The following FNDC7 variants were observed in gnomAD, a reference collection of about 807,000 sequenced individuals.
FNDC7 encodes the protein fibronectin type III domain-containing protein 7.
FNDC7 carries 66 observed loss-of-function variants against 74.2 expected under a neutral mutation model. That is an observed-to-expected ratio of 0.89 (90% CI 0.73 to 1.09). FNDC7 has a LOEUF of 1.09. FNDC7 is among the 50% of genes least tolerant of loss of function. The probability of loss-of-function intolerance (pLI) is 0.00; values close to 1 mark genes in which losing one functional copy is unlikely to be tolerated. For synonymous variants in FNDC7, 307 were observed against 330.2 expected, an observed-to-expected ratio of 0.93 and a Z score of 0.76; for missense variants, 829 against 893.4, an observed-to-expected ratio of 0.93 and a Z score of 0.92.
intron 10 of FNDC7, among the ~76,000 whole-genome samples, chr1:108,736,585 T>C (rs1661520225): frequency 6.6e-6 from 1 of 152,230 alleles, no homozygotes; most frequent in African/African-American, 2.4e-5. Flanking sequence ...TCCTGCTCCA[T>C]GCCCACAATT....
chr1:108,738,828 C>G (rs1255194264), intron 11 of FNDC7, among the ~76,000 whole-genome samples: 1 of 152,148 alleles, frequency 6.6e-6, no homozygotes, highest in Non-Finnish European at 1.5e-5. Flanking sequence ...ATTAATTTTT[C>G]AAGAGTTTTT....
intron 3 of FNDC7, among the ~76,000 whole-genome samples, chr1:108,718,497 AT>A (rs1362155947): frequency 6.6e-6 from 1 of 152,164 alleles, no homozygotes; most frequent in Non-Finnish European, 1.5e-5. Flanking sequence ...GTAACCCCTA[AT>A]TTTCCCATTG....
In FNDC7 at chr1:108,728,000, C is replaced by T. The variant is rs1661257587; in HGVS notation, c.1304C>T (p.Thr435Ile). Residue 435 changes from threonine to isoleucine, a missense_variant, in exon 7 of 13, where the codon ACA (threonine) becomes ATA (isoleucine). Thr to Ile is a moderately conservative substitution (Grantham distance 89). Coordinates refer to ENST00000370017, the MANE Select transcript of FNDC7 (RefSeq NM_001144937.3). ...ALECDTKYNI[T>I]VYSFNEVRGS... ...GAGTGTGACACCAAGTACAACATCA[C>T]AGTGTATTCATTCAATGAAGTCCGA... is the stretch of plus-strand genomic sequence containing the variant. 2 of 1,614,062 alleles carry T rather than the reference C, an allele frequency of 1.2e-6. No individual in the cohort carries two copies. The highest frequency in any genetic ancestry group is 1.7e-5 in the Admixed American group (1 of 60,002).
chr1:108,713,912 G>A (rs1660923726), intron 2 of FNDC7, among the ~76,000 whole-genome samples: 1 of 152,148 alleles, frequency 6.6e-6, no homozygotes, highest in African/African-American at 2.4e-5. Flanking sequence ...GGGAATTAGA[G>A]GGAAAATGAG....
chr1:108,716,320 G>GGTGTGT (rs141850435), intron 2 of FNDC7, among the ~76,000 whole-genome samples: 7,263 of 95,178 alleles, frequency 0.076, 319 homozygotes, highest in Non-Finnish European at 0.084. Flanking sequence ...GCAGAAGAGA[G>GGTGTGT]GTGTGTGTGT....
At chr1:108,717,614 G>A (rs1417994972) in intron 2 of FNDC7, among the ~76,000 whole-genome samples, 163 bp from the exon 3 acceptor site, 1 of 152,144 alleles carries the variant, frequency 6.6e-6, no homozygotes, top group Non-Finnish European at 1.5e-5. Context: ...CTGGAGAGTA[G>A]CTTTGTCTTT....
chr1:108,738,018 A>G (rs1041326588), intron 11 of FNDC7, among the ~76,000 whole-genome samples: 66 of 152,172 alleles, frequency 4.3e-4, no homozygotes, highest in Non-Finnish European at 1.6e-4. Flanking sequence ...CTCAAACTTT[A>G]TTGTGCACAC....
At position 108,728,715 on chromosome 1, in the gene FNDC7, G is replaced by A; in HGVS notation, c.1453G>A (p.Ala485Thr). ...GCACTGGCGATCCACTAATGATGAT[G>A]CTACTTACACGGTGACTGCCCAAGG... Reference protein sequence around the residue: ...NVHWRSTNDDATYTVTAQGEK... With the variant: ...NVHWRSTNDDTTYTVTAQGEK... Residue 485 changes from alanine to threonine, a missense_variant, in exon 8 of 13, where the codon GCT becomes ACT. Coordinates refer to ENST00000370017, the MANE Select transcript of FNDC7 (RefSeq NM_001144937.3). 1 of 1,614,284 alleles carries A rather than the reference G, an allele frequency of 6.2e-7. No individual in the cohort carries two copies. Among genetic ancestry groups the A allele is most frequent in the Non-Finnish European group, 8.5e-7 (1 of 1,180,050 alleles).
intron 7 of FNDC7, 142 bp from the exon 8 acceptor site, chr1:108,728,490 A>T: frequency 1.2e-6 from 1 of 854,850 alleles, no homozygotes; most frequent in Non-Finnish European, 1.9e-6. Flanking sequence ...CCCCACGCAT[A>T]GGCACTATGA....
At chr1:108,729,365 C>G (rs779617407) in intron 8 of FNDC7, among the ~76,000 whole-genome samples, 1 of 152,084 alleles carries the variant, frequency 6.6e-6, no homozygotes, top group East Asian at 1.9e-4. Context: ...CTGGCTAACA[C>G]GGTGAAACCC....
intron 2 of FNDC7, among the ~76,000 whole-genome samples, chr1:108,716,325 GTGTGTGT>G (rs1557786135): frequency 1.4e-4 from 8 of 58,516 alleles, no homozygotes; most frequent in African/African-American, 4.4e-4. Flanking sequence ...AGAGAGGTGT[GTGTGTGT>G]GTGTGTGTGT....
Position 108,733,425 on chromosome 1 carries a change from T to G in FNDC7, c.2033T>G (p.Phe678Cys), listed in dbSNP as rs1410739530. The part of the protein sequence containing the change: ...FTCTPSAGLS[F>C]CDVTEIPCGD... ...TGCACCCCGAGTGCTGGCCTCAGTTTCTGTGATGTCACTGAGATACCCTGT... is the reference window on the plus strand; with the variant it reads ...TGCACCCCGAGTGCTGGCCTCAGTTGCTGTGATGTCACTGAGATACCCTGT... Residue 678 changes from phenylalanine (F) to cysteine (C), a missense_variant, in exon 10 of 13, where the codon TTC (phenylalanine) becomes TGC (cysteine). By Grantham distance (205) the Phe-to-Cys change is radical. Coordinates refer to ENST00000370017, the MANE Select transcript of FNDC7 (RefSeq NM_001144937.3). The G allele has an allele frequency of 6.2e-7, 1 of 1,614,170 alleles. No individual in the cohort carries two copies. The highest frequency in any genetic ancestry group is 8.5e-7 in the Non-Finnish European group (1 of 1,180,026).
At chr1:108,737,407 C>T in intron 10 of FNDC7, 88 bp from the exon 11 acceptor site, 1 of 1,260,768 alleles carries the variant, frequency 7.9e-7, no homozygotes, top group Non-Finnish European at 1.1e-6. Context: ...GGTTTACTTT[C>T]CTTTTATTCT....
rs1204436251 is a variant in FNDC7 at position 108,722,369 on chromosome 1, C to T, written c.633C>T (p.Phe211=). ...PRAPANIQVS[F]DSGALKASFS... ...CCCCTGCCAACATTCAAGTCTCTTTCGATAGTGGAGCTCTGAAGGCATCTT... is the reference window on the plus strand; with the variant it reads ...CCCCTGCCAACATTCAAGTCTCTTTTGATAGTGGAGCTCTGAAGGCATCTT... Residue 211 remains phenylalanine, a synonymous_variant, in exon 5 of 13, where the codon TTC becomes TTT. Coordinates refer to ENST00000370017, the MANE Select transcript of FNDC7 (RefSeq NM_001144937.3). 3.1e-6 allele frequency: 5 copies of T among 1,613,514 alleles called. No individual in the cohort carries two copies. The South Asian group carries it at 3.3e-5, about 11-fold the overall frequency.
intron 8 of FNDC7, 70 bp from the exon 9 acceptor site, chr1:108,730,604 T>G: frequency 1.4e-6 from 2 of 1,475,094 alleles, no homozygotes; most frequent in African/African-American, 1.4e-5. Flanking sequence ...AATACCATTC[T>G]TTATCATTTT....
chr1:108,727,511 A>G lies in FNDC7; in HGVS notation c.1112-297A>G, dbSNP rs147690415. 1.4e-3 allele frequency among the ~76,000 whole-genome samples: 207 copies of G among 152,266 alleles called. 2 individuals are homozygous for G. In the East Asian group the frequency reaches 0.036, roughly 27 times the overall value. ...TGGAGGGGTCAGCAATCTTCTCTGC[A>G]TAGAGAACAAGGGCGCACGTGGCGT... On this transcript the variant is annotated intron_variant, in intron 6 of 12. Coordinates refer to ENST00000370017, the MANE Select transcript of FNDC7 (RefSeq NM_001144937.3).
At chr1:108,718,356 C>T (rs1251465546) in intron 3 of FNDC7, among the ~76,000 whole-genome samples, 1 of 146,012 alleles carries the variant, frequency 6.8e-6, no homozygotes, top group Non-Finnish European at 1.6e-5. Flanking sequence ...TTGCTGCACT[C>T]TGACCGTATG....
chr1:108,736,963 CT>C (rs1173562405), intron 10 of FNDC7, among the ~76,000 whole-genome samples: 2,690 of 99,292 alleles, frequency 0.027, 26 homozygotes, highest in African/African-American at 0.097. Flanking sequence ...GCTTGGCATT[CT>C]TTTTTTTTTT....
chr1:108,718,931 T>C lies in FNDC7; in HGVS notation c.480T>C (p.Thr160=). The C allele has an allele frequency of 6.4e-7, 1 of 1,551,768 alleles. No homozygotes were observed. Among genetic ancestry groups the C allele is most frequent in the Non-Finnish European group, 8.7e-7 (1 of 1,147,018 alleles). The change falls in exon 4 of 13, where the codon ACT becomes ACC. Residue 160 remains threonine (T), a synonymous_variant. Coordinates refer to ENST00000370017, the MANE Select transcript of FNDC7 (RefSeq NM_001144937.3). ...NGLGSIWKEN[T]TNTSLTFTSL... ...TGGGGAGTATATGGAAAGAGAATAC[T>C]ACAAACACCTCCTTGACATTCACCA...
Sources: gnomAD v4.1 joint callset for allele counts (sites outside exome capture counted in the v4.1 genomes callset) on GRCh38, gnomAD v4.1.1 for gene constraint, MANE v1.5 for transcripts, NCBI Gene and HGNC (gene_info 2026-07-23, HGNC 2026-07-21) for gene names.